The following PRKN variants were observed in gnomAD, a reference collection of about 807,000 sequenced individuals.
PRKN encodes the protein parkin RBR E3 ubiquitin protein ligase.
PRKN carries 56 observed loss-of-function variants against 59.5 expected under a neutral mutation model. The observed-to-expected ratio is 0.94, with a 90% CI of 0.76 to 1.18. The LOEUF is 1.18. PRKN is among the 50% of genes most tolerant of loss of function. The pLI, the probability that PRKN is intolerant of heterozygous loss-of-function variation, is 0.00. For synonymous variants in PRKN, 250 were observed against 222.1 expected, an observed-to-expected ratio of 1.13 and a Z score of -1.12; for missense variants, 657 against 596.4, an observed-to-expected ratio of 1.10 and a Z score of -1.06.
intron 3 of PRKN, among the ~76,000 whole-genome samples, chr6:162,256,504 T>G (rs1275322014): frequency 6.6e-6 from 1 of 152,172 alleles, no homozygotes; most frequent in Non-Finnish European, 1.5e-5. Context: ...GCAGCCTGCC[T>G]GCATTTTTGG....
rs55883841 is a variant in PRKN, at chr6:162,565,697, AATACATACATACATACATAC to A, written c.8-122244_8-122225del. On this transcript the variant is annotated intron_variant, in intron 1 of 11. Coordinates refer to ENST00000366898, the MANE Select transcript of PRKN (RefSeq NM_004562.3). Reference sequence around the variant, plus strand: ...AAGAGTGAAACTCAGTCTCAAAATAAATACATACATACATACATACATACATACATACATACATACATATA... The same window carrying A: ...AAGAGTGAAACTCAGTCTCAAAATAAATACATACATACATACATACATATA... Among the ~76,000 whole-genome samples, 11 of 148,790 alleles carry A rather than the reference AATACATACATACATACATAC, an allele frequency of 7.4e-5. No homozygotes were observed. The South Asian group carries it at 1.1e-3, about 15-fold the overall frequency.
chr6:161,474,589 C>A (rs934836143), intron 9 of PRKN, among the ~76,000 whole-genome samples: 1 of 151,896 alleles, frequency 6.6e-6, no homozygotes, highest in African/African-American at 2.4e-5. Flanking sequence ...CAACTATGTT[C>A]ACCATTACTT....
intron 9 of PRKN, among the ~76,000 whole-genome samples, chr6:161,511,194 T>TGAA (rs1158625074): frequency 6.6e-6 from 1 of 152,210 alleles, no homozygotes. Flanking sequence ...AACAATCACC[T>TGAA]GAAGAGATTG....
intron 4 of PRKN, among the ~76,000 whole-genome samples, chr6:162,194,428 A>C (rs1784413800): frequency 6.6e-6 from 1 of 152,204 alleles, no homozygotes; most frequent in South Asian, 2.1e-4. Flanking sequence ...TTGGTGGAAA[A>C]GAACATTTAC....
At chr6:162,636,048 T>C (rs1041707244) in intron 1 of PRKN, among the ~76,000 whole-genome samples, 4 of 152,200 alleles carry the variant, frequency 2.6e-5, no homozygotes, top group Non-Finnish European at 5.9e-5. Context: ...TCTGTTCTCC[T>C]GAGTGCTGTG....
At chr6:161,421,504 G>A (rs1248192652) in intron 9 of PRKN, among the ~76,000 whole-genome samples, 2 of 152,130 alleles carry the variant, frequency 1.3e-5, no homozygotes, top group Non-Finnish European at 2.9e-5. Context: ...GCATGAGGGT[G>A]GATAGAGAGT....
rs943481642 is a variant in PRKN, at chr6:161,468,968, C to T, written c.1083+79886G>A. Among the ~76,000 whole-genome samples, 3 of 152,174 alleles carry T rather than the reference C, an allele frequency of 2.0e-5. No individual in the cohort carries two copies. Among genetic ancestry groups the T allele is most frequent in the Non-Finnish European group, 4.4e-5 (3 of 68,028 alleles). ...AAACCCAGCAGTACACAAATGGGCG[C>T]TCCCTACAGGCCAAGTAAAATTCCT... is the stretch of plus-strand genomic sequence containing the variant. On this transcript the variant is annotated intron_variant, in intron 9 of 11. Transcript: ENST00000366898. This position sits in a 1 kb window ranked among gnomAD's most constrained non-coding sequence, Gnocchi z 5.9.
At chr6:162,188,756 G>T (rs1784136161) in intron 4 of PRKN, among the ~76,000 whole-genome samples, 1 of 150,826 alleles carries the variant, frequency 6.6e-6, no homozygotes, top group Non-Finnish European at 1.5e-5. Context: ...AGAGCCTACA[G>T]GTGGAACATT....
chr6:162,396,496 G>A (rs1009203895), intron 2 of PRKN, among the ~76,000 whole-genome samples: 3 of 152,094 alleles, frequency 2.0e-5, no homozygotes, highest in Non-Finnish European at 4.4e-5. Flanking sequence ...CTTTGTGACT[G>A]TGGCAACTTG....
intron 1 of PRKN, among the ~76,000 whole-genome samples, chr6:162,479,090 C>T (rs1792168045): frequency 6.6e-6 from 1 of 151,990 alleles, no homozygotes; most frequent in African/African-American, 2.4e-5. Context: ...ACTTTATAAA[C>T]TTTTTAACTT....
intron 1 of PRKN, among the ~76,000 whole-genome samples, chr6:162,526,778 G>C (rs6936895): frequency 0.16 from 23,593 of 152,050 alleles, 2,599 homozygotes; most frequent in African/African-American, 0.31. Context: ...TGGAGACAGA[G>C]GAAAACACAG....
chr6:161,950,442 G>A (rs2128245703), intron 6 of PRKN, among the ~76,000 whole-genome samples: 1 of 152,282 alleles, frequency 6.6e-6, no homozygotes, highest in African/African-American at 2.4e-5. Flanking sequence ...TACTTGGGAG[G>A]CTGAGGCAGG....
chr6:162,012,408 T>C (rs939880531), intron 5 of PRKN, among the ~76,000 whole-genome samples: 5 of 151,918 alleles, frequency 3.3e-5, no homozygotes, highest in South Asian at 2.1e-4. Flanking sequence ...TATATGCATA[T>C]ATACATATTT....
intron 6 of PRKN, among the ~76,000 whole-genome samples, chr6:161,907,095 A>T (rs984802796): frequency 4.6e-5 from 7 of 152,132 alleles, no homozygotes; most frequent in Admixed American, 2.6e-4. Context: ...GTTGACACTC[A>T]ATGTTAACCA....
At position 162,054,236 on chromosome 6, in the gene PRKN, C is replaced by T. The variant is rs1777767916; in HGVS notation, c.535-62G>A. ...TATAATAGAAATGTACTCCTTAAGA[C>T]ATGTTTCCACTTATGTTATAAAATA... is the stretch of plus-strand genomic sequence containing the variant. On this transcript the variant is annotated intron_variant, in intron 4 of 11. Transcript: ENST00000366898. The T allele has an allele frequency of 2.3e-5, 22 of 957,848 alleles. No individual in the cohort carries two copies. The South Asian group carries it at 2.9e-4, about 13-fold the overall frequency. 59.3% of individuals were successfully genotyped at this position (957,848 alleles called of 1,614,324 possible).
intron 1 of PRKN, among the ~76,000 whole-genome samples, chr6:162,681,432 T>C (rs1297271675): frequency 2.6e-5 from 4 of 152,044 alleles, no homozygotes; most frequent in Non-Finnish European, 5.9e-5. Flanking sequence ...TAAAACTAAA[T>C]TGAAAGGAAA....
At chr6:161,705,670 T>C (rs546668585) in intron 7 of PRKN, among the ~76,000 whole-genome samples, 35 of 152,318 alleles carry the variant, frequency 2.3e-4, no homozygotes, top group South Asian at 1.5e-3. Flanking sequence ...ACTGGCTGCA[T>C]TGAATGAAAG....
chr6:161,656,019 C>G (rs915153698), intron 7 of PRKN, among the ~76,000 whole-genome samples: 1 of 152,180 alleles, frequency 6.6e-6, no homozygotes, highest in Non-Finnish European at 1.5e-5. Flanking sequence ...GAATAAACCA[C>G]GTTTGTTACA....
chr6:162,078,026 A>AT (rs1778905545), intron 4 of PRKN, among the ~76,000 whole-genome samples: 2 of 145,422 alleles, frequency 1.4e-5, no homozygotes, highest in East Asian at 4.1e-4. Context: ...AAAAAAAATT[A>AT]TTTTTTATTC....
Sources: gnomAD v4.1 joint callset for allele counts (sites outside exome capture counted in the v4.1 genomes callset) on GRCh38, gnomAD v4.1.1 for gene constraint, Gnocchi (gnomAD v3.1) non-coding constraint, MANE v1.5 for transcripts, NCBI Gene and HGNC (gene_info 2026-07-23, HGNC 2026-07-21) for gene names.